The following CHST12 variants were observed in gnomAD, a reference collection of about 807,000 sequenced individuals.
CHST12 encodes the protein carbohydrate (chondroitin 4) sulfotransferase 12.
Under a neutral mutation model 27.9 loss-of-function variants are expected in CHST12, and 23 were observed. The observed-to-expected ratio is 0.82, with a 90% CI of 0.59 to 1.17. CHST12 has a LOEUF of 1.17. Among genes scored for constraint, CHST12 ranks in the 50% most tolerant of loss-of-function variants. The pLI is 0.00. For synonymous variants in CHST12, 322 were observed against 273.0 expected (o/e 1.18, Z -1.77); for missense variants, 682 against 603.0 (o/e 1.13, Z -1.37).
chr7:2,416,210 G>C (rs776309915), intron 1 of CHST12, among the ~76,000 whole-genome samples: 2 of 152,148 alleles, frequency 1.3e-5, no homozygotes, highest in African/African-American at 2.4e-5. Context: ...CATCTGTTCA[G>C]CTTTGAACAT....
At chr7:2,418,932 G>A (rs187870191) in intron 1 of CHST12, among the ~76,000 whole-genome samples, 1 of 152,204 alleles carries the variant, frequency 6.6e-6, no homozygotes, top group East Asian at 1.9e-4. Context: ...GAGTAACTGG[G>A]ACCACAGGTG....
intron 1 of CHST12, among the ~76,000 whole-genome samples, chr7:2,431,732 G>A (rs1167587523): frequency 6.6e-6 from 1 of 152,232 alleles, no homozygotes; most frequent in Non-Finnish European, 1.5e-5. Context: ...GGGAAGCCAG[G>A]GTGGTGTGGA....
rs1417336324 is a variant in CHST12 at position 2,440,421 on chromosome 7, G to C, written c.*6537G>C. On this transcript the variant is annotated 3_prime_UTR_variant, in exon 2 of 2. Coordinates refer to ENST00000618655, the MANE Select transcript of CHST12 (RefSeq NM_018641.5). ...TGCAAGAGAATGTGTGTGTGTGTGT[G>C]TTTGGAGATTTGGACTTGAAAATTC... 1 of 153,252 alleles carries C rather than the reference G, an allele frequency of 6.5e-6. No individual in the cohort carries two copies. The highest frequency in any genetic ancestry group is 2.4e-5 in the African/African-American group (1 of 41,406). 9.5% of individuals were successfully genotyped at this position (153,252 alleles called of 1,614,324 possible). A position where few individuals can be genotyped will look rare whatever the true frequency, so the allele number is the denominator to read the frequency against.
chr7:2,419,329 G>T (rs1781900739), intron 1 of CHST12, among the ~76,000 whole-genome samples: 1 of 145,556 alleles, frequency 6.9e-6, no homozygotes, highest in Non-Finnish European at 1.5e-5. Flanking sequence ...GATCACTTGA[G>T]TGGGGAGGTT....
chr7:2,433,987 C>A lies in CHST12; in HGVS notation c.*103C>A. On this transcript the variant is annotated 3_prime_UTR_variant, in exon 2 of 2. Coordinates refer to ENST00000618655, the MANE Select transcript of CHST12 (RefSeq NM_018641.5). The surrounding 1 kb of genome is among the most constrained non-coding windows in gnomAD (Gnocchi z 6.1). ...TGCAATCTGGGCTTCTTGTTCACTC[C>A]ACTGCCTCTATCCATTGAGTACTGT... 1 of 884,516 alleles carries A rather than the reference C, an allele frequency of 1.1e-6. No homozygotes were observed. The highest frequency in any genetic ancestry group is 1.6e-5 in the South Asian group (1 of 60,690). The allele number at this position is 884,516 out of a possible 1,614,324, so 54.8% of individuals were successfully genotyped here.
At chr7:2,426,616 A>G (rs770710461) in intron 1 of CHST12, among the ~76,000 whole-genome samples, 5 of 151,134 alleles carry the variant, frequency 3.3e-5, no homozygotes, top group Non-Finnish European at 7.4e-5. Flanking sequence ...ACCCTTAATT[A>G]TGAGGTTAGC....
In CHST12 at chr7:2,433,159, G is replaced by T. The variant is rs1782343710; in HGVS notation, c.520G>T (p.Ala174Ser). 1 of 1,612,902 alleles carries T rather than the reference G, an allele frequency of 6.2e-7. No individual in the cohort carries two copies. The highest frequency in any genetic ancestry group is 1.3e-5 in the African/African-American group (1 of 74,908). The change falls in exon 2 of 2, where the codon GCC (alanine) becomes TCC (serine). Residue 174 changes from alanine (A) to serine (S), a missense_variant. Coordinates refer to ENST00000618655, the MANE Select transcript of CHST12 (RefSeq NM_018641.5). The surrounding 1 kb of genome is among the most constrained non-coding windows in gnomAD (Gnocchi z 6.1). ...CATCTACTGCTACGTGCCCAAGGTGGCCTGCACCAACTGGAAGCGCGTGAT... is the reference window on the plus strand; with the variant it reads ...CATCTACTGCTACGTGCCCAAGGTGTCCTGCACCAACTGGAAGCGCGTGAT... ...GAIYCYVPKV[A>S]CTNWKRVMIV...
chr7:2,416,315 A>G (rs913407678), intron 1 of CHST12, among the ~76,000 whole-genome samples: 1 of 152,156 alleles, frequency 6.6e-6, no homozygotes. Flanking sequence ...CCTGCACCGG[A>G]GTCTTGAACT....
chr7:2,416,312 C>T (rs994021899), intron 1 of CHST12, among the ~76,000 whole-genome samples: 6 of 152,152 alleles, frequency 3.9e-5, no homozygotes, highest in African/African-American at 1.2e-4. Context: ...CTTCCTGCAC[C>T]GGAGTCTTGA....
intron 1 of CHST12, among the ~76,000 whole-genome samples, chr7:2,416,614 T>C (rs758190543): frequency 1.3e-5 from 2 of 152,192 alleles, no homozygotes; most frequent in African/African-American, 2.4e-5. Context: ...GAAACAGATC[T>C]CAGTCGATTT....
rs1782528958 is a variant in CHST12 at position 2,438,574 on chromosome 7, A to T, written c.*4690A>T. 1 of 152,196 alleles carries T rather than the reference A, an allele frequency of 6.6e-6. No individual in the cohort carries two copies. The highest frequency in any genetic ancestry group is 1.5e-5 in the Non-Finnish European group (1 of 68,034). 9.4% of individuals were successfully genotyped at this position (152,196 alleles called of 1,614,324 possible). The stretch of plus-strand genomic sequence containing the variant: ...ATTTTTGCTCACTTATTTATAAGCC[A>T]CACATCCTCTTCTATCCTACCAAAC... On this transcript the variant is annotated 3_prime_UTR_variant, in exon 2 of 2. Transcript: ENST00000618655.
At chr7:2,417,744 C>A (rs1251014856) in intron 1 of CHST12, among the ~76,000 whole-genome samples, 1 of 152,116 alleles carries the variant, frequency 6.6e-6, no homozygotes, top group Non-Finnish European at 1.5e-5. Context: ...GAGGCCCTCT[C>A]ATACTGGGAG....
Position 2,408,362 on chromosome 7 carries a change from C to CAAA in CHST12, c.-78+4715_-78+4717dup, listed in dbSNP as rs56330622. Among the ~76,000 whole-genome samples the CAAA allele has an allele frequency of 6.0e-5, 7 of 116,704 alleles. 1 individual carries two copies. Among genetic ancestry groups the CAAA allele is most frequent in the Non-Finnish European group, 1.2e-4 (7 of 58,204 alleles). The allele number at this position is 116,704 out of a possible 152,430, so 76.6% of individuals were successfully genotyped here. ...GGGCAACAAGGGTGAGACTCCGTCT[C>CAAA]AAAAAAAAAAAAAAAAAAAAAAAAA... On this transcript the variant is annotated intron_variant, in intron 1 of 1. Coordinates refer to ENST00000618655, the MANE Select transcript of CHST12 (RefSeq NM_018641.5).
chr7:2,419,379 T>C (rs1236530903), intron 1 of CHST12, among the ~76,000 whole-genome samples: 2 of 125,124 alleles, frequency 1.6e-5, no homozygotes, highest in African/African-American at 6.5e-5. Context: ...CAAGTCTGAA[T>C]GATAGAGTGG....
intron 1 of CHST12, among the ~76,000 whole-genome samples, chr7:2,409,119 G>T (rs1386033113): frequency 6.6e-6 from 1 of 152,204 alleles, no homozygotes; most frequent in African/African-American, 2.4e-5. Context: ...CGCAGCTGTG[G>T]ATAGCCTCGC....
chr7:2,432,512 C>T, intron 1 of CHST12, 51 bp from the exon 2 acceptor site: 1 of 1,104,604 alleles, frequency 9.1e-7, no homozygotes, highest in Non-Finnish European at 1.3e-6. Flanking sequence ...AGGCAGGAGT[C>T]AGAGCCCCAG....
In CHST12 at chr7:2,439,394, T is replaced by C. The variant is rs2969078; in HGVS notation, c.*5510T>C. 40,064 of 151,882 alleles carry C rather than the reference T, an allele frequency of 0.26. 5,386 individuals carry two copies. The highest frequency in any genetic ancestry group is 0.32 in the Admixed American group (4,883 of 15,254). 9.4% of individuals were successfully genotyped at this position (151,882 alleles called of 1,614,324 possible). ...GAGATTAATTGGAGAATGTGTAATT[T>C]TTTCCCCTTTGGAAATAATTTGTTC... On this transcript the variant is annotated 3_prime_UTR_variant, in exon 2 of 2. Transcript: ENST00000618655.
At position 2,446,703 on chromosome 7, in the gene CHST12, C is replaced by G. The variant is rs1037195350; in HGVS notation, c.*12819C>G. On this transcript the variant is annotated 3_prime_UTR_variant, in exon 2 of 2. Transcript: ENST00000618655. ...TAACATTTTAACCCAGGAATCCCCC[C>G]ACCAAGGGACAGAGTGCAAGGACAT... 1.3e-5 allele frequency: 2 copies of G among 152,934 alleles called. No homozygotes were observed. The highest frequency in any genetic ancestry group is 2.9e-5 in the Non-Finnish European group (2 of 68,184). 9.5% of individuals were successfully genotyped at this position (152,934 alleles called of 1,614,324 possible). A position where few individuals can be genotyped will look rare whatever the true frequency, so the allele number is the denominator to read the frequency against.
chr7:2,444,263 G>A lies in CHST12; in HGVS notation c.*10379G>A, dbSNP rs1321435742. The A allele has an allele frequency of 1.6e-4, 19 of 121,034 alleles. No homozygotes were observed. Among genetic ancestry groups the A allele is most frequent in the African/African-American group, 5.3e-4 (16 of 30,144 alleles). 7.5% of individuals were successfully genotyped at this position (121,034 alleles called of 1,614,324 possible). ...CCCGCCACTGCACTCCAGCCTGGGC[G>A]ACAGAGCGAGACTCCGTCTCAAAAA... On this transcript the variant is annotated 3_prime_UTR_variant, in exon 2 of 2. Transcript: ENST00000618655.
Sources: gnomAD v4.1 joint callset for allele counts (sites outside exome capture counted in the v4.1 genomes callset) on GRCh38, gnomAD v4.1.1 for gene constraint, Gnocchi (gnomAD v3.1) non-coding constraint, MANE v1.5 for transcripts, NCBI Gene and HGNC (gene_info 2026-07-23, HGNC 2026-07-21) for gene names.